LRP1B: variants seen among roughly 807,000 people sequenced by gnomAD.
LRP1B encodes low-density lipoprotein receptor-related protein 1B.
Under a neutral mutation model 556.6 loss-of-function variants are expected in LRP1B, and 217 were observed. The observed-to-expected ratio is 0.39, with a 90% CI of 0.35 to 0.44. The LOEUF is 0.44. Among genes scored for constraint, LRP1B ranks in the 20% least tolerant of loss-of-function variants. The pLI is 1.00. For missense variants in LRP1B, 5,053 were observed against 5,620.8 expected (o/e 0.90, Z 3.23); for synonymous variants, 2,047 against 1,865.8 (o/e 1.10, Z -2.50).
At chr2:140,309,317 A>AATTTATTTATACTTCTATATACTTCTAG (rs1460144553) in intron 83 of LRP1B, among the ~76,000 whole-genome samples, 8 of 151,820 alleles carry the variant, frequency 5.3e-5, no homozygotes, top group African/African-American at 1.9e-4. Context: ...TATAGGTCAC[A>AATTTATTTATACTTCTATATACTTCTAG]ATTTATTTAT....
intron 66 of LRP1B, among the ~76,000 whole-genome samples, chr2:140,440,739 A>ATGTGTGTGTGTGTGTG (rs1279713239): frequency 2.3e-5 from 2 of 86,392 alleles, no homozygotes; most frequent in South Asian, 3.2e-4. Context: ...GTCCCTCTGT[A>ATGTGTGTGTGTGTGTG]TGTATGTGTG....
intron 2 of LRP1B, among the ~76,000 whole-genome samples, chr2:141,590,157 C>T (rs1369720727): frequency 6.6e-6 from 1 of 152,156 alleles, no homozygotes; most frequent in Non-Finnish European, 1.5e-5. Flanking sequence ...TACCACTTCA[C>T]AGCCTAAAAC....
At chr2:141,725,321 G>A (rs1692987816) in intron 2 of LRP1B, among the ~76,000 whole-genome samples, 1 of 151,742 alleles carries the variant, frequency 6.6e-6, no homozygotes, top group Non-Finnish European at 1.5e-5. Context: ...CAAATTTGAG[G>A]AGAAATCTTG....
chr2:141,686,458 A>T (rs1310636108), intron 2 of LRP1B, among the ~76,000 whole-genome samples: 1 of 152,000 alleles, frequency 6.6e-6, no homozygotes, highest in East Asian at 1.9e-4. Flanking sequence ...AATGGTTTAC[A>T]GTACATATAT....
chr2:140,356,763 T>C lies in LRP1B; in HGVS notation c.11396-287A>G, dbSNP rs555293372. Among the ~76,000 whole-genome samples, 34 of 151,894 alleles carry C rather than the reference T, an allele frequency of 2.2e-4. 1 individual carries two copies. In the East Asian group the frequency reaches 6.6e-3, roughly 29 times the overall value. On this transcript the variant is annotated intron_variant, in intron 74 of 90. Coordinates refer to ENST00000389484, the MANE Select transcript of LRP1B (RefSeq NM_018557.3). ...TTTTTAAAAATAAGTCAGGAGTCAA[T>C]GATTCTAATGACAGGCTATCTTTAT...
rs556894524 is a variant in LRP1B, at chr2:140,601,619, G to T, written c.6820C>A (p.Leu2274Ile). Residue 2274 changes from leucine (L) to isoleucine (I), a missense_variant, in exon 42 of 91, where the codon CTT (leucine) becomes ATT (isoleucine). By Grantham distance (5) the Leu-to-Ile change is conservative. Transcript: ENST00000389484. ...GTATCCCAGGCTCTGTGATAGGCAA[G>T]TCCTTCCACAGAACCCACATCTAGT... Reference protein sequence around the residue: ...IVENVGSVEGLAYHRAWDTLY... With the variant: ...IVENVGSVEGIAYHRAWDTLY... The T allele has an allele frequency of 5.6e-6, 9 of 1,593,486 alleles. No individual in the cohort carries two copies. In the South Asian group the frequency reaches 1.0e-4, roughly 18 times the overall value.
At chr2:142,039,217 G>A (rs535990747) in intron 1 of LRP1B, among the ~76,000 whole-genome samples, 268 of 151,596 alleles carry the variant, frequency 1.8e-3, no homozygotes, top group African/African-American at 6.0e-3. Flanking sequence ...TTTTTTTCAT[G>A]ATAAATTGCC....
intron 41 of LRP1B, among the ~76,000 whole-genome samples, chr2:140,602,212 A>T (rs1682701730): frequency 6.6e-6 from 1 of 151,922 alleles, no homozygotes; most frequent in Non-Finnish European, 1.5e-5. Context: ...GATAAAAAAA[A>T]ACAAAGCAAG....
chr2:140,869,565 A>C (rs1693060299), intron 25 of LRP1B, among the ~76,000 whole-genome samples: 1 of 152,142 alleles, frequency 6.6e-6, no homozygotes, highest in Non-Finnish European at 1.5e-5. Flanking sequence ...AAGCATGTTA[A>C]GTGGTTATAT....
rs113424273 is a variant in LRP1B at position 141,487,517 on chromosome 2, G to A, written c.206-6984C>T. ...TCACGAATACTCTCAAAATTATAAT[G>A]GTTCTCAATTGCTGGTCACAACAAA... On this transcript the variant is annotated intron_variant, in intron 2 of 90. Transcript: ENST00000389484. Among the ~76,000 whole-genome samples, 140 of 152,200 alleles carry A rather than the reference G, an allele frequency of 9.2e-4. 1 individual carries two copies. Among genetic ancestry groups the A allele is most frequent in the African/African-American group, 1.8e-3 (75 of 41,524 alleles).
At chr2:141,841,843 T>C (rs948504317) in intron 1 of LRP1B, among the ~76,000 whole-genome samples, 4 of 152,180 alleles carry the variant, frequency 2.6e-5, no homozygotes, top group African/African-American at 9.7e-5. Context: ...TACACTGTGT[T>C]AAGATAAAAA....
chr2:140,885,908 A>G (rs1305745297), intron 24 of LRP1B, among the ~76,000 whole-genome samples: 1 of 150,756 alleles, frequency 6.6e-6, no homozygotes, highest in Non-Finnish European at 1.5e-5. Context: ...CCATCAGTCC[A>G]TGGAAAAGTC....
chr2:140,622,842 A>G (rs1683503522), intron 41 of LRP1B, among the ~76,000 whole-genome samples: 1 of 152,190 alleles, frequency 6.6e-6, no homozygotes, highest in Non-Finnish European at 1.5e-5. Context: ...TCAGTTTTTA[A>G]GAAGCATCTT....
intron 2 of LRP1B, among the ~76,000 whole-genome samples, chr2:141,763,453 G>A (rs553303360): frequency 9.9e-5 from 15 of 152,052 alleles, no homozygotes; most frequent in African/African-American, 2.7e-4. Context: ...ATGCTCCCCC[G>A]ACAGTATAAA....
intron 2 of LRP1B, among the ~76,000 whole-genome samples, chr2:141,717,088 T>C (rs943480022): frequency 6.6e-6 from 1 of 152,118 alleles, no homozygotes; most frequent in Admixed American, 6.6e-5. Flanking sequence ...TGATTCCACT[T>C]TTATTTTTCT....
chr2:140,326,350 A>G (rs1322291033), intron 79 of LRP1B, among the ~76,000 whole-genome samples: 2 of 148,038 alleles, frequency 1.4e-5, no homozygotes, highest in African/African-American at 5.3e-5. Flanking sequence ...TCATGTATTT[A>G]ATTAAAATAT....
chr2:140,968,989 A>T (rs1218056922), intron 18 of LRP1B, among the ~76,000 whole-genome samples: 5 of 152,210 alleles, frequency 3.3e-5, no homozygotes, highest in South Asian at 2.1e-4. Context: ...TGTGGTGCTG[A>T]GAAAAATGTA....
At chr2:141,347,654 G>A (rs1004696041) in intron 3 of LRP1B, among the ~76,000 whole-genome samples, 2 of 151,864 alleles carry the variant, frequency 1.3e-5, no homozygotes, top group Non-Finnish European at 2.9e-5. Flanking sequence ...AACTAAGGTG[G>A]CATTCAATTT....
chr2:141,055,802 A>ATGTGTGTGTGTGTG (rs10664722), intron 9 of LRP1B, among the ~76,000 whole-genome samples: 75 of 145,544 alleles, frequency 5.2e-4, no homozygotes, highest in African/African-American at 1.5e-3. Context: ...TTACCACAAA[A>ATGTGTGTGTGTGTG]TGTGTGTGTG....
Sources: allele counts gnomAD v4.1 joint callset (sites outside exome capture counted in the v4.1 genomes callset), GRCh38; gene constraint gnomAD v4.1.1; transcripts MANE v1.5; gene names NCBI Gene and HGNC (gene_info 2026-07-23, HGNC 2026-07-21).